SLC2A12: variants seen among roughly 807,000 people sequenced by gnomAD.
SLC2A12 encodes the protein solute carrier family 2 member 12.
Under a neutral mutation model 41.8 loss-of-function variants are expected in SLC2A12, and 23 were observed. The ratio of observed to expected loss-of-function variants is 0.55; its 90% CI spans 0.40 to 0.78. SLC2A12 has a LOEUF of 0.78. Ranked by LOEUF, SLC2A12 falls within the 30% of genes least tolerant of loss-of-function variation. The pLI, the probability that SLC2A12 is intolerant of heterozygous loss-of-function variation, is 0.00. For missense variants in SLC2A12, 654 were observed against 745.6 expected, an observed-to-expected ratio of 0.88 and a Z score of 1.43; for synonymous variants, 295 against 285.9, an observed-to-expected ratio of 1.03 and a Z score of -0.32.
At chr6:134,007,620 G>A (rs915379392) in intron 2 of SLC2A12, among the ~76,000 whole-genome samples, 1 of 152,152 alleles carries the variant, frequency 6.6e-6, no homozygotes, top group African/African-American at 2.4e-5. Flanking sequence ...AGAGTGACAG[G>A]GAACATTATG....
chr6:134,032,439 TATATATATAA>T (rs1777225965), intron 1 of SLC2A12, among the ~76,000 whole-genome samples: 2 of 37,562 alleles, frequency 5.3e-5, no homozygotes, highest in Admixed American at 2.7e-4. Flanking sequence ...TATATATATA[TATATATATAA>T]ATATATATAT....
intron 1 of SLC2A12, among the ~76,000 whole-genome samples, chr6:134,049,373 C>A (rs753672441): frequency 2.0e-5 from 3 of 152,148 alleles, no homozygotes; most frequent in Non-Finnish European, 4.4e-5. Context: ...CTGTCCCCAG[C>A]CAATTGTTTG....
intron 1 of SLC2A12, among the ~76,000 whole-genome samples, chr6:134,046,352 T>C (rs1322292927): frequency 6.6e-6 from 1 of 152,198 alleles, no homozygotes; most frequent in African/African-American, 2.4e-5. Flanking sequence ...ACTTAAAAAA[T>C]ATATTCCTAA....
intron 4 of SLC2A12, among the ~76,000 whole-genome samples, chr6:134,000,426 C>T (rs1776741305): frequency 6.6e-6 from 1 of 152,166 alleles, no homozygotes; most frequent in Non-Finnish European, 1.5e-5. Flanking sequence ...AACAATTCAC[C>T]TATCAGGTTT....
chr6:134,027,335 T>G (rs763497801), intron 2 of SLC2A12, among the ~76,000 whole-genome samples: 21 of 152,184 alleles, frequency 1.4e-4, no homozygotes, highest in Non-Finnish European at 2.6e-4. Context: ...CCCATGAAAT[T>G]CCTTCTTCAG....
Position 133,999,292 on chromosome 6 carries a change from G to A in SLC2A12, c.1700+2705C>T, listed in dbSNP as rs145506778. On this transcript the variant is annotated intron_variant, in intron 4 of 4. Transcript: ENST00000275230. The stretch of plus-strand genomic sequence containing the variant: ...AAGGAGAAATCAGGAGATTAGAGCC[G>A]TGAGCTAGGAGGCCCTCCAGGAAAG... 7.6e-3 allele frequency among the ~76,000 whole-genome samples: 1,159 copies of A among 152,304 alleles called. 16 individuals carry two copies. Among genetic ancestry groups the A allele is most frequent in the South Asian group, 0.038 (183 of 4,820 alleles).
intron 4 of SLC2A12, among the ~76,000 whole-genome samples, chr6:133,993,042 G>T (rs1776643626): frequency 6.6e-6 from 1 of 152,066 alleles, no homozygotes; most frequent in Non-Finnish European, 1.5e-5. Context: ...GGCCTCTCCA[G>T]TCCCACCTTC....
At chr6:134,045,083 T>G (rs939637048) in intron 1 of SLC2A12, among the ~76,000 whole-genome samples, 1 of 152,208 alleles carries the variant, frequency 6.6e-6, no homozygotes, top group Non-Finnish European at 1.5e-5. Context: ...AAAGGCATGA[T>G]TCCTACCTAT....
chr6:133,991,083 A>C lies in SLC2A12; in HGVS notation c.*72T>G. ...ACTGAAAAGAGAGCACAGGAGTCGCAACTATGCATTGGTCCAAAGACACCC... is the reference window on the plus strand; with the variant it reads ...ACTGAAAAGAGAGCACAGGAGTCGCCACTATGCATTGGTCCAAAGACACCC... On this transcript the variant is annotated 3_prime_UTR_variant, in exon 5 of 5. Coordinates refer to ENST00000275230, the MANE Select transcript of SLC2A12 (RefSeq NM_145176.3). The C allele has an allele frequency of 6.6e-7, 1 of 1,504,344 alleles. No individual in the cohort carries two copies. Among genetic ancestry groups the C allele is most frequent in the Non-Finnish European group, 8.9e-7 (1 of 1,119,138 alleles). The allele number at this position is 1,504,344 out of a possible 1,614,324, so 93.2% of individuals were successfully genotyped here. A position where few individuals can be genotyped will look rare whatever the true frequency, so the allele number is the denominator to read the frequency against.
chr6:134,002,157 A>G (rs1776761255), intron 3 of SLC2A12, 28 bp from the exon 4 acceptor site: 4 of 1,588,216 alleles, frequency 2.5e-6, no homozygotes, highest in South Asian at 2.3e-5. Flanking sequence ...AATTGATTAG[A>G]AATGTGTTTT....
chr6:134,042,965 T>TCAAAA (rs71803176), intron 1 of SLC2A12, among the ~76,000 whole-genome samples: 2,366 of 149,598 alleles, frequency 0.016, 48 homozygotes, highest in African/African-American at 0.043. Flanking sequence ...ACACTCTGTC[T>TCAAAA]CAAAACAAAA....
intron 4 of SLC2A12, among the ~76,000 whole-genome samples, chr6:133,997,003 A>C (rs1436444091): frequency 1.3e-5 from 2 of 148,360 alleles, no homozygotes; most frequent in African/African-American, 2.5e-5. Flanking sequence ...GTTAACCAGG[A>C]GGCAAAGGCG....
At chr6:134,001,934 T>C (rs928488748) in intron 4 of SLC2A12, 63 bp downstream of exon 4, 6 of 1,538,142 alleles carry the variant, frequency 3.9e-6, no homozygotes, top group Non-Finnish European at 8.8e-7. Context: ...TCCTTTGCTG[T>C]ATATAAAAGC....
In SLC2A12 at chr6:134,029,544, G is replaced by T. The variant is rs1236134278; in HGVS notation, c.281C>A (p.Ser94Ter). The change falls in exon 2 of 5, where the codon TCA (serine) becomes TAA (stop). Residue 94 changes from serine (S) to a stop codon, truncating the protein, a stop_gained. Transcript: ENST00000275230. LOFTEE classifies it high-confidence loss of function. ...GTCTATCAGGACCCCTCCGGTGAGT[G>T]AGGCAAGGAGGGCTCCAATGACGAG... ...SSLVIGALLA[S>*]LTGGVLIDRY... 4 of 1,614,146 alleles carry T rather than the reference G, an allele frequency of 2.5e-6. No individual in the cohort carries two copies. In the East Asian group the frequency reaches 8.9e-5, roughly 36 times the overall value.
rs1390244083 is a variant in SLC2A12, at chr6:133,989,901, G to T, written c.*1254C>A. 2 of 152,144 alleles carry T rather than the reference G, an allele frequency of 1.3e-5. No individual in the cohort carries two copies. The highest frequency in any genetic ancestry group is 3.9e-4 in the East Asian group (2 of 5,188). 9.4% of individuals were successfully genotyped at this position (152,144 alleles called of 1,614,324 possible). A position where few individuals can be genotyped will look rare whatever the true frequency, so the allele number is the denominator to read the frequency against. ...TTAAAATTCTTTTTCAAGTTAGGTTGTTCGTGCTTTTAAGTTTTTTGTGTG... is the reference window on the plus strand; with the variant it reads ...TTAAAATTCTTTTTCAAGTTAGGTTTTTCGTGCTTTTAAGTTTTTTGTGTG... On this transcript the variant is annotated 3_prime_UTR_variant, in exon 5 of 5. Transcript: ENST00000275230.
chr6:134,050,202 C>A (rs1312382046), intron 1 of SLC2A12, among the ~76,000 whole-genome samples: 1 of 152,100 alleles, frequency 6.6e-6, no homozygotes, highest in Non-Finnish European at 1.5e-5. Context: ...TTCATTTATA[C>A]ATATGTATGT....
intron 1 of SLC2A12, among the ~76,000 whole-genome samples, chr6:134,044,968 G>A (rs765858536): frequency 6.6e-6 from 1 of 152,118 alleles, no homozygotes; most frequent in African/African-American, 2.4e-5. Context: ...TGGCAGCATC[G>A]TGTTGAGATG....
At chr6:134,033,161 A>T (rs1016552674) in intron 1 of SLC2A12, among the ~76,000 whole-genome samples, 2 of 152,036 alleles carry the variant, frequency 1.3e-5, no homozygotes, top group Admixed American at 6.6e-5. Context: ...GGGGCACTTC[A>T]AGTAGGGCCT....
rs562767058 is a variant in SLC2A12 at position 134,037,702 on chromosome 6, A to G, written c.104-7981T>C. Among the ~76,000 whole-genome samples the G allele has an allele frequency of 2.6e-5, 4 of 152,208 alleles. No homozygotes were observed. The South Asian group carries it at 8.3e-4, about 32-fold the overall frequency. On this transcript the variant is annotated intron_variant, in intron 1 of 4. Transcript: ENST00000275230. ...CTTGCCTTTACATCCAAGGTTTTAC[A>G]GCACCCTGGATTATATTTCACTAGG...
Sources: gnomAD v4.1 joint callset for allele counts (sites outside exome capture counted in the v4.1 genomes callset) on GRCh38, gnomAD v4.1.1 for gene constraint, MANE v1.5 for transcripts, NCBI Gene and HGNC (gene_info 2026-07-23, HGNC 2026-07-21) for gene names.